CCDC148: variants seen among roughly 807,000 people sequenced by gnomAD.
The protein encoded by CCDC148 is coiled-coil domain containing 148.
Under a neutral mutation model 85.7 loss-of-function variants are expected in CCDC148, and 89 were observed. The observed-to-expected ratio is 1.04, with a 90% CI of 0.87 to 1.24. The LOEUF (loss-of-function observed/expected upper bound fraction) is 1.24. Among genes scored for constraint, CCDC148 ranks in the 50% most tolerant of loss-of-function variants. The pLI is 0.00. For missense variants in CCDC148, 692 were observed against 671.7 expected, an observed-to-expected ratio of 1.03 and a Z score of -0.33; for synonymous variants, 230 against 213.9, an observed-to-expected ratio of 1.08 and a Z score of -0.66.
chr2:158,406,475 A>AGG (rs1021941512), intron 1 of CCDC148, among the ~76,000 whole-genome samples: 1 of 152,046 alleles, frequency 6.6e-6, no homozygotes, highest in Non-Finnish European at 1.5e-5. Context: ...TTTGACATAC[A>AGG]GGGGAGAGGC....
intron 2 of CCDC148, among the ~76,000 whole-genome samples, chr2:158,355,259 T>C (rs1683564170): frequency 6.6e-6 from 1 of 152,060 alleles, no homozygotes; most frequent in Non-Finnish European, 1.5e-5. Context: ...AAATAAAGGA[T>C]ATTCAATTAG....
At chr2:158,310,817 C>T (rs560318408) in intron 8 of CCDC148, among the ~76,000 whole-genome samples, 53 of 147,378 alleles carry the variant, frequency 3.6e-4, no homozygotes, top group African/African-American at 1.2e-3. Flanking sequence ...CAGGCAGAGA[C>T]GCTCCTCACT....
At chr2:158,227,486 C>T (rs1687609267) in intron 10 of CCDC148, among the ~76,000 whole-genome samples, 1 of 152,104 alleles carries the variant, frequency 6.6e-6, no homozygotes. Flanking sequence ...CAAAAAAGAG[C>T]CCGCATTGCC....
At chr2:158,322,661 G>C (rs544899753) in intron 7 of CCDC148, among the ~76,000 whole-genome samples, 14 of 152,052 alleles carry the variant, frequency 9.2e-5, no homozygotes, top group Non-Finnish European at 1.9e-4. Flanking sequence ...GCACTAAATA[G>C]TTATCTTAAA....
In CCDC148 at chr2:158,355,263, C is replaced by G. The variant is rs534591901; in HGVS notation, c.147+3186G>C. On this transcript the variant is annotated intron_variant, in intron 2 of 13. Transcript: ENST00000283233. ...GCAGGAGAAGGAAATAAAGGATATT[C>G]AATTAGGAAAAGAGGAAGTCAAATT... Among the ~76,000 whole-genome samples the G allele has an allele frequency of 1.2e-3, 189 of 152,128 alleles. 1 individual carries two copies. The highest frequency in any genetic ancestry group is 4.5e-3 in the African/African-American group (186 of 41,496).
At chr2:158,401,556 T>C (rs1332663832) in intron 1 of CCDC148, among the ~76,000 whole-genome samples, 4 of 151,936 alleles carry the variant, frequency 2.6e-5, no homozygotes, top group African/African-American at 7.3e-5. Context: ...GGTGGGGGAC[T>C]GGAGAGGGAT....
intron 1 of CCDC148, among the ~76,000 whole-genome samples, chr2:158,430,359 A>T (rs1011808248): frequency 3.3e-5 from 5 of 152,160 alleles, no homozygotes; most frequent in African/African-American, 9.7e-5. Flanking sequence ...CCAAAAACTA[A>T]TTTTTTTAAA....
chr2:158,394,787 T>C (rs1288411187), intron 1 of CCDC148, among the ~76,000 whole-genome samples: 2 of 152,000 alleles, frequency 1.3e-5, no homozygotes, highest in Non-Finnish European at 2.9e-5. Context: ...TCACAGGCAG[T>C]AAAACTTGCC....
chr2:158,313,929 A>G, intron 7 of CCDC148, 35 bp from the exon 8 acceptor site: 1 of 1,588,732 alleles, frequency 6.3e-7, no homozygotes, highest in Non-Finnish European at 8.6e-7. Context: ...CATATTATTG[A>G]GCAATCATGA....
chr2:158,237,531 A>G (rs1214162323), intron 10 of CCDC148, among the ~76,000 whole-genome samples: 2 of 152,222 alleles, frequency 1.3e-5, no homozygotes, highest in East Asian at 3.8e-4. Context: ...CAGAAGTCAG[A>G]GAGGATACCA....
In CCDC148 at chr2:158,172,691, T is replaced by C. The variant is rs566808509; in HGVS notation, c.1630-432A>G. On this transcript the variant is annotated intron_variant, in intron 13 of 13. Coordinates refer to ENST00000283233, the MANE Select transcript of CCDC148 (RefSeq NM_138803.4). ...AATATGTAAATTAAGTTTAAACACA[T>C]GGCCACCACTTGAAAAACAAAATCA... 6.4e-4 allele frequency among the ~76,000 whole-genome samples: 97 copies of C among 152,186 alleles called. 1 individual carries two copies. The highest frequency in any genetic ancestry group is 2.1e-3 in the African/African-American group (87 of 41,560).
intron 7 of CCDC148, among the ~76,000 whole-genome samples, chr2:158,315,791 C>T (rs1054332600): frequency 6.6e-6 from 1 of 152,042 alleles, no homozygotes; most frequent in Non-Finnish European, 1.5e-5. Context: ...GAAGGCTACC[C>T]TCCCACCCTC....
chr2:158,418,514 T>C (rs575502001), intron 1 of CCDC148, among the ~76,000 whole-genome samples: 1 of 152,294 alleles, frequency 6.6e-6, no homozygotes, highest in East Asian at 1.9e-4. Context: ...CCCAAGTTCA[T>C]TTCTGCCTCC....
chr2:158,445,722 A>G (rs532611238), intron 1 of CCDC148, among the ~76,000 whole-genome samples: 1 of 152,262 alleles, frequency 6.6e-6, no homozygotes, highest in South Asian at 2.1e-4. Context: ...ATATTTCCAA[A>G]TGTATTTATT....
At chr2:158,213,752 A>G (rs79366052) in intron 11 of CCDC148, among the ~76,000 whole-genome samples, 3,371 of 152,250 alleles carry the variant, frequency 0.022, 46 homozygotes, top group East Asian at 0.068. Flanking sequence ...CAACATAAAG[A>G]ATGCTCAGTA....
chr2:158,278,640 G>A (rs1157009827), intron 9 of CCDC148, among the ~76,000 whole-genome samples: 3 of 152,244 alleles, frequency 2.0e-5, no homozygotes, highest in Admixed American at 6.5e-5. Flanking sequence ...CAACTGGGTG[G>A]AGCCCACCAC....
chr2:158,326,522 G>A (rs564767282), intron 7 of CCDC148, among the ~76,000 whole-genome samples: 15 of 152,184 alleles, frequency 9.9e-5, no homozygotes, highest in Non-Finnish European at 1.5e-4. Flanking sequence ...TTGAAAATAC[G>A]AAGGATAAGT....
rs115321503 is a variant in CCDC148, at chr2:158,359,702, T to C, written c.26-1132A>G. Among the ~76,000 whole-genome samples the C allele has an allele frequency of 7.4e-3, 1,127 of 152,276 alleles. 20 individuals carry two copies. Among genetic ancestry groups the C allele is most frequent in the African/African-American group, 0.026 (1,075 of 41,548 alleles). ...CTTTGCAACCCACAGACCAGGAGAT[T>C]TCCTCAAATGCCTATGCCACCAGAG... On this transcript the variant is annotated intron_variant, in intron 1 of 13. Transcript: ENST00000283233.
At chr2:158,407,291 G>A (rs999780390) in intron 1 of CCDC148, among the ~76,000 whole-genome samples, 2 of 152,068 alleles carry the variant, frequency 1.3e-5, no homozygotes, top group African/African-American at 4.8e-5. Context: ...ACTCCAGTAT[G>A]CACTAGGCTT....
Sources: gnomAD v4.1 joint callset for allele counts (sites outside exome capture counted in the v4.1 genomes callset) on GRCh38, gnomAD v4.1.1 for gene constraint, MANE v1.5 for transcripts, NCBI Gene and HGNC (gene_info 2026-07-23, HGNC 2026-07-21) for gene names.